The following TST variants were observed in gnomAD, a reference collection of about 807,000 sequenced individuals.
The protein encoded by TST is thiosulfate sulfurtransferase.
A neutral mutation model predicts 20.4 loss-of-function variants in TST; 22 were observed. The observed-to-expected ratio is 1.08, with a 90% CI of 0.77 to 1.54. The LOEUF (loss-of-function observed/expected upper bound fraction) is 1.54, where lower values mean the gene tolerates loss of function less well. Among genes scored for constraint, TST ranks in the 40% most tolerant of loss-of-function variants. The pLI, the probability that TST is intolerant of heterozygous loss-of-function variation, is 0.00. For missense variants in TST, 392 were observed against 405.2 expected (o/e 0.97, Z 0.28); for synonymous variants, 187 against 173.8 (o/e 1.08, Z -0.60).
At chr22:37,018,835 G>T in intron 1 of TST, 82 bp from the exon 2 acceptor site, 1 of 980,386 alleles carries the variant, frequency 1.0e-6, no homozygotes, top group Non-Finnish European at 1.4e-6. Context: ...CCTGGGAGAA[G>T]CTCTTTCTCC....
At chr22:37,017,826 T>G (rs1249550325) in intron 2 of TST, among the ~76,000 whole-genome samples, 1 of 152,154 alleles carries the variant, frequency 6.6e-6, no homozygotes, top group Non-Finnish European at 1.5e-5. Flanking sequence ...AGGTATATCC[T>G]AGTACATGTG....
At chr22:37,012,040 GCTCT>G (rs1922497438) in intron 2 of TST, among the ~76,000 whole-genome samples, 1 of 152,242 alleles carries the variant, frequency 6.6e-6, no homozygotes, top group Non-Finnish European at 1.5e-5. Flanking sequence ...AGTTATGTCA[GCTCT>G]CTGAGCCTCA....
chr22:37,019,548 C>A, upstream of TST: 1 of 152,114 alleles, frequency 6.6e-6, no homozygotes, highest in South Asian at 2.0e-4. Context: ...CCGCGCCTCC[C>A]CCGCGCGGCC....
chr22:37,018,571 G>A lies in TST; in HGVS notation c.162C>T (p.Pro54=), dbSNP rs1366884001. Residue 54 remains proline, a synonymous_variant, in exon 2 of 3, where the codon CCC becomes CCT. Transcript: ENST00000249042. ...CTTCTATGTCAAAGAAAGAGGCGCCGGGTACGTGGCGCTCGAGGTACTCCT... is the reference window on the plus strand; with the variant it reads ...CTTCTATGTCAAAGAAAGAGGCGCCAGGTACGTGGCGCTCGAGGTACTCCT... ...ARKEYLERHV[P]GASFFDIEEC... is the part of the protein sequence containing the mutation. 2.6e-6 allele frequency: 4 copies of A among 1,564,168 alleles called. No individual in the cohort carries two copies. The highest frequency in any genetic ancestry group is 2.4e-5 in the East Asian group (1 of 41,856).
intron 2 of TST, among the ~76,000 whole-genome samples, chr22:37,017,595 C>G (rs1159005101): frequency 1.3e-5 from 2 of 149,306 alleles, no homozygotes; most frequent in African/African-American, 5.1e-5. Context: ...ACAACTCTGC[C>G]GACGGGCTGC....
chr22:37,015,895 G>A (rs552488965), intron 2 of TST, among the ~76,000 whole-genome samples: 3 of 144,036 alleles, frequency 2.1e-5, no homozygotes, highest in South Asian at 4.3e-4. Flanking sequence ...GATTTGTATC[G>A]TTCCTTACCC....
intron 1 of TST, 77 bp from the exon 2 acceptor site, chr22:37,018,830 G>C (rs1922824217): frequency 9.4e-7 from 1 of 1,064,162 alleles, no homozygotes; most frequent in East Asian, 2.8e-5. Context: ...TGAGGCCTGG[G>C]AGAAGCTCTT....
In TST at chr22:37,010,932, A is replaced by C. The variant is rs1922441550; in HGVS notation, c.*95T>G. 2 of 1,494,144 alleles carry C rather than the reference A, an allele frequency of 1.3e-6. No homozygotes were observed. Among genetic ancestry groups the C allele is most frequent in the Non-Finnish European group, 1.8e-6 (2 of 1,109,964 alleles). 92.6% of individuals were successfully genotyped at this position (1,494,144 alleles called of 1,614,324 possible). On this transcript the variant is annotated 3_prime_UTR_variant, in exon 3 of 3. Coordinates refer to ENST00000249042, the MANE Select transcript of TST (RefSeq NM_003312.6). ...TGAGCCTTGCACAGCAATTCTAAAA[A>C]CATGTCATCTCCTTCACCTAAGAGG...
chr22:37,017,596 G>A (rs986907304), intron 2 of TST, among the ~76,000 whole-genome samples: 5 of 149,262 alleles, frequency 3.3e-5, no homozygotes, highest in African/African-American at 5.1e-5. Context: ...CAACTCTGCC[G>A]ACGGGCTGCA....
chr22:37,015,931 G>T (rs1922661199), intron 2 of TST, among the ~76,000 whole-genome samples: 1 of 133,404 alleles, frequency 7.5e-6, no homozygotes. Flanking sequence ...TCCAGCCACT[G>T]CTACTTTTTT....
upstream of TST, chr22:37,019,463 C>T (rs1922876450): frequency 1.3e-5 from 2 of 150,768 alleles, no homozygotes; most frequent in Admixed American, 6.6e-5. Context: ...GTTCAAACCC[C>T]CGGCCGCAGC....
At chr22:37,015,935 C>CTTTT (rs1000783141) in intron 2 of TST, among the ~76,000 whole-genome samples, 6,346 of 73,878 alleles carry the variant, frequency 0.086, 1,003 homozygotes, top group African/African-American at 0.11. Context: ...GCCACTGCTA[C>CTTTT]TTTTTTTTTT....
chr22:37,019,868 C>T (rs1420319025), upstream of TST: 3 of 1,220,548 alleles, frequency 2.5e-6, no homozygotes, highest in African/African-American at 4.7e-5. Flanking sequence ...GAGTCCGAGA[C>T]CCGGGTAACT....
chr22:37,015,104 C>A (rs926475042), intron 2 of TST, among the ~76,000 whole-genome samples: 1 of 152,144 alleles, frequency 6.6e-6, no homozygotes. Context: ...GGAAACAGCC[C>A]CAACTTGAAG....
intron 2 of TST, among the ~76,000 whole-genome samples, chr22:37,017,190 T>G (rs1922712822): frequency 6.6e-6 from 1 of 152,062 alleles, no homozygotes; most frequent in African/African-American, 2.4e-5. Flanking sequence ...CAGTCCTGCC[T>G]CTAGAAAAGG....
chr22:37,018,856 C>T (rs1401462806), intron 1 of TST, 103 bp from the exon 2 acceptor site: 2 of 805,846 alleles, frequency 2.5e-6, no homozygotes, highest in South Asian at 2.4e-5. Context: ...CTCCGCACTC[C>T]CCCGGGTTCC....
chr22:37,011,443 T>C, intron 2 of TST, 118 bp from the exon 3 acceptor site: 4 of 1,147,804 alleles, frequency 3.5e-6, no homozygotes, highest in African/African-American at 1.6e-5. Flanking sequence ...AAAAATAACA[T>C]CTTTGCTCTG....
chr22:37,013,977 C>T (rs1249036904), intron 2 of TST, among the ~76,000 whole-genome samples: 8 of 152,034 alleles, frequency 5.3e-5, no homozygotes, highest in East Asian at 1.9e-4. Context: ...GCCAGCTGGA[C>T]GGGGTGAAGC....
rs765089779 is a variant in TST at position 37,011,026 on chromosome 22, C to A, written c.*1G>T. The A allele has an allele frequency of 1.2e-6, 2 of 1,607,282 alleles. No homozygotes were observed. Among genetic ancestry groups the A allele is most frequent in the South Asian group, 1.1e-5 (1 of 90,682 alleles). ...TTACAGTAAGCAGAAGAGGTCACGG[C>A]TCAGGCCTTCTCAGACTTTCCCTGG... On this transcript the variant is annotated 3_prime_UTR_variant, in exon 3 of 3. Coordinates refer to ENST00000249042, the MANE Select transcript of TST (RefSeq NM_003312.6).
Sources: allele counts gnomAD v4.1 joint callset (sites outside exome capture counted in the v4.1 genomes callset), GRCh38; gene constraint gnomAD v4.1.1; transcripts MANE v1.5; gene names NCBI Gene and HGNC (gene_info 2026-07-23, HGNC 2026-07-21).